The following MTR variants were observed in gnomAD, a reference collection of about 807,000 sequenced individuals.
MTR encodes methionine synthase.
Under a neutral mutation model 154.8 loss-of-function variants are expected in MTR, and 84 were observed. That is an observed-to-expected ratio of 0.54 (90% CI 0.45 to 0.65). The LOEUF (loss-of-function observed/expected upper bound fraction) is 0.65, where lower values mean the gene tolerates loss of function less well. Ranked by LOEUF, MTR falls within the 30% of genes least tolerant of loss-of-function variation. The pLI, the probability that MTR is intolerant of heterozygous loss-of-function variation, is 0.00. For missense variants in MTR, 1,275 were observed against 1,570.2 expected (o/e 0.81, Z 3.18); for synonymous variants, 554 against 553.9 (o/e 1.00, Z 0.00).
chr1:236,846,394 A>G (rs1434683162), intron 15 of MTR, among the ~76,000 whole-genome samples: 1 of 152,232 alleles, frequency 6.6e-6, no homozygotes, highest in East Asian at 1.9e-4. Context: ...ATAGCAGAAT[A>G]GTCTATATTA....
rs77245074 is a variant in MTR at position 236,877,208 on chromosome 1, C to T, written c.2594+2362C>T. On this transcript the variant is annotated intron_variant, in intron 24 of 32. Transcript: ENST00000366577. ...AATTAGTGACAGTGGATGAGGTCTG[C>T]GATCTGAGGTCTTGCTTTAGCAAGC... Among the ~76,000 whole-genome samples, 1,481 of 152,300 alleles carry T rather than the reference C, an allele frequency of 9.7e-3. 7 individuals carry two copies. The highest frequency in any genetic ancestry group is 0.016 in the Non-Finnish European group (1,060 of 68,018).
chr1:236,825,374 C>T lies in MTR; in HGVS notation c.902C>T (p.Pro301Leu). ...ACCTTTGGTGACTATGATGAAACGCCTTCTATGATGGCCAAGCACCTAAAG... is the reference window on the plus strand; with the variant it reads ...ACCTTTGGTGACTATGATGAAACGCTTTCTATGATGGCCAAGCACCTAAAG... Reference protein sequence around the residue: ...PNTFGDYDETPSMMAKHLKDF... With the variant: ...PNTFGDYDETLSMMAKHLKDF... The change falls in exon 10 of 33, where the codon CCT becomes CTT. Residue 301 changes from proline (P) to leucine (L), a missense_variant. By Grantham distance (98) the Pro-to-Leu change is moderately conservative. Transcript: ENST00000366577. 6.2e-7 allele frequency: 1 copy of T among 1,613,742 alleles called. No individual in the cohort carries two copies. Among genetic ancestry groups the T allele is most frequent in the Non-Finnish European group, 8.5e-7 (1 of 1,179,754 alleles).
chr1:236,848,056 G>T (rs370054715), intron 15 of MTR, among the ~76,000 whole-genome samples: 2 of 152,312 alleles, frequency 1.3e-5, no homozygotes, highest in South Asian at 2.1e-4. Context: ...AGTGACAGAG[G>T]TTGAGTATCT....
At chr1:236,822,022 T>C (rs1402768069) in intron 8 of MTR, among the ~76,000 whole-genome samples, 1 of 152,206 alleles carries the variant, frequency 6.6e-6, no homozygotes, top group Non-Finnish European at 1.5e-5. Flanking sequence ...CTCTCATTAT[T>C]GTGTTGGCTG....
In MTR at chr1:236,806,134, C is replaced by G; in HGVS notation, c.250-10C>G. The stretch of plus-strand genomic sequence containing the variant: ...AAGCTCATAATTGACATTATAATCT[C>G]TTGTTGCAGGAATACTTGCTGGCTG... On this transcript the variant is annotated splice_polypyrimidine_tract_variant and intron_variant, in intron 2 of 32. Transcript: ENST00000366577. The G allele has an allele frequency of 6.2e-7, 1 of 1,611,770 alleles. No individual in the cohort carries two copies. The highest frequency in any genetic ancestry group is 8.5e-7 in the Non-Finnish European group (1 of 1,177,920).
intron 6 of MTR, among the ~76,000 whole-genome samples, chr1:236,815,357 C>G (rs1228196181): frequency 6.6e-6 from 1 of 152,172 alleles, no homozygotes; most frequent in East Asian, 1.9e-4. Context: ...TCAGCTCCTC[C>G]TCAGTGGAAA....
intron 15 of MTR, 58 bp downstream of exon 15, chr1:236,838,657 G>A: frequency 6.3e-7 from 1 of 1,590,790 alleles, no homozygotes; most frequent in South Asian, 1.1e-5. Flanking sequence ...AGTGGTGGGA[G>A]AAAATGCAAG....
At chr1:236,850,781 G>C (rs577418883) in intron 16 of MTR, among the ~76,000 whole-genome samples, 6 of 152,240 alleles carry the variant, frequency 3.9e-5, no homozygotes, top group African/African-American at 1.4e-4. Flanking sequence ...GCATTGAGCT[G>C]GGATCACGCC....
chr1:236,830,835 C>G (rs962656702), intron 12 of MTR, among the ~76,000 whole-genome samples: 2 of 152,154 alleles, frequency 1.3e-5, no homozygotes, highest in Non-Finnish European at 1.5e-5. Context: ...GCGATAATCT[C>G]TATCAGTGCA....
chr1:236,885,900 C>G (rs951490982), intron 26 of MTR, among the ~76,000 whole-genome samples: 2 of 152,144 alleles, frequency 1.3e-5, no homozygotes, highest in African/African-American at 2.4e-5. Flanking sequence ...GCTTTTTTCT[C>G]TCTCCTTAGG....
Position 236,835,398 on chromosome 1 carries a change from T to C in MTR, c.1189-149T>C, listed in dbSNP as rs567968879. ...AGAAAGGTTAATTTGTGATGAGTGATGGGTGGACAGCAGGCCCGGAGTCAG... is the reference window on the plus strand; with the variant it reads ...AGAAAGGTTAATTTGTGATGAGTGACGGGTGGACAGCAGGCCCGGAGTCAG... On this transcript the variant is annotated intron_variant, in intron 13 of 32. Coordinates refer to ENST00000366577, the MANE Select transcript of MTR (RefSeq NM_000254.3). 1.3e-4 allele frequency: 114 copies of C among 846,710 alleles called. No homozygotes were observed. In the Admixed American group the frequency reaches 1.4e-3, roughly 10 times the overall value. 52.4% of individuals were successfully genotyped at this position (846,710 alleles called of 1,614,324 possible).
intron 32 of MTR, 83 bp from the exon 33 acceptor site, chr1:236,897,475 T>C: frequency 7.9e-7 from 1 of 1,271,488 alleles, no homozygotes. Context: ...AGGTACTTAA[T>C]GTTTCTTGGC....
rs1402089177 is a variant in MTR at position 236,889,258 on chromosome 1, C to T, written c.2929C>T (p.Pro977Ser). 5 of 1,614,086 alleles carry T rather than the reference C, an allele frequency of 3.1e-6. No homozygotes were observed. Among genetic ancestry groups the T allele is most frequent in the Non-Finnish European group, 4.2e-6 (5 of 1,180,048 alleles). The change falls in exon 28 of 33, where the codon CCT (proline) becomes TCT (serine). Residue 977 changes from proline (P) to serine (S), a missense_variant. Pro to Ser is a moderately conservative substitution (Grantham distance 74, BLOSUM62 -1). Transcript: ENST00000366577. The part of the protein sequence containing the change: ...QKLVDYIDWK[P>S]FFDVWQLRGK... ...GCTGGTGGACTACATTGACTGGAAG[C>T]CTTTCTTTGATGTCTGGCAGCTCCG...
In MTR at chr1:236,825,399, G is replaced by T; in HGVS notation, c.927G>T (p.Lys309Asn). 6.2e-7 allele frequency: 1 copy of T among 1,612,262 alleles called. No individual in the cohort carries two copies. Reference protein sequence around the residue: ...ETPSMMAKHLKDFAMDGLVNI... With the variant: ...ETPSMMAKHLNDFAMDGLVNI... ...CTTCTATGATGGCCAAGCACCTAAA[G>T]GTCAGGGGTCCCCCTTTCACTGGCT... The change falls in exon 10 of 33, where the codon AAG (lysine) becomes AAT (asparagine). Residue 309 changes from lysine to asparagine, a missense_variant and splice_region_variant. Lys to Asn is a moderately conservative substitution (Grantham distance 94). Transcript: ENST00000366577.
At chr1:236,835,080 C>G (rs559352618) in intron 13 of MTR, among the ~76,000 whole-genome samples, 2 of 151,994 alleles carry the variant, frequency 1.3e-5, no homozygotes, top group African/African-American at 4.8e-5. Flanking sequence ...GATGGTTTCT[C>G]TAAGGACTTT....
At chr1:236,862,113 T>G in intron 20 of MTR, 123 bp from the exon 21 acceptor site, 1 of 807,638 alleles carries the variant, frequency 1.2e-6, no homozygotes. Context: ...GTCAAAAGAC[T>G]CCAGTGTAGC....
chr1:236,897,310 G>GCGCGCACGCACACACACACACA, intron 32 of MTR, among the ~76,000 whole-genome samples, 192 bp downstream of exon 32: 2 of 128,614 alleles, frequency 1.6e-5, no homozygotes, highest in Non-Finnish European at 1.7e-5. Context: ...CCACACACAC[G>GCGCGCACGCACACACACACACA]CACACACACA....
intron 8 of MTR, among the ~76,000 whole-genome samples, chr1:236,819,368 A>T (rs1283886619): frequency 6.6e-6 from 1 of 152,142 alleles, no homozygotes; most frequent in Non-Finnish European, 1.5e-5. Flanking sequence ...GCCTTTTCAC[A>T]TTGGCTTCTT....
intron 20 of MTR, 137 bp downstream of exon 20, chr1:236,861,414 A>AT: frequency 7.6e-7 from 1 of 1,308,020 alleles, no homozygotes; most frequent in Non-Finnish European, 1.1e-6. Context: ...CCTTCTCTAA[A>AT]TATGTTTAGG....
Sources: gnomAD v4.1 joint callset for allele counts (sites outside exome capture counted in the v4.1 genomes callset) on GRCh38, gnomAD v4.1.1 for gene constraint, MANE v1.5 for transcripts, NCBI Gene and HGNC (gene_info 2026-07-23, HGNC 2026-07-21) for gene names.